AGPAT2: variants seen among roughly 807,000 people sequenced by gnomAD.
AGPAT2 encodes the protein 1-acylglycerol-3-phosphate O-acyltransferase 2, also known as 1-acyl-sn-glycerol-3-phosphate acyltransferase beta.
AGPAT2 carries 18 observed loss-of-function variants against 26.1 expected under a neutral mutation model. The observed-to-expected ratio is 0.69, with a 90% CI of 0.48 to 1.02. AGPAT2 has a LOEUF of 1.02. Ranked by LOEUF, AGPAT2 falls within the 50% of genes least tolerant of loss-of-function variation. AGPAT2 has a pLI of 0.00. For missense variants in AGPAT2, 415 were observed against 394.9 expected, an observed-to-expected ratio of 1.05 and a Z score of -0.43; for synonymous variants, 200 against 174.2, an observed-to-expected ratio of 1.15 and a Z score of -1.16.
In AGPAT2 at chr9:136,674,708, A is replaced by G. The variant is rs756467416; in HGVS notation, c.661+27T>C. 5.7e-6 allele frequency: 8 copies of G among 1,402,594 alleles called. No homozygotes were observed. The East Asian group carries it at 8.2e-5, about 14-fold the overall frequency. The allele number at this position is 1,402,594 out of a possible 1,614,324, so 86.9% of individuals were successfully genotyped here. The stretch of plus-strand genomic sequence containing the variant: ...GACTGTAGGGTCAGGCGGGGCCTAC[A>G]CCCCGGGTGCACACATGTGGGGGTA... On this transcript the variant is annotated intron_variant, in intron 5 of 5. Transcript: ENST00000371696.
At position 136,673,878 on chromosome 9, in the gene AGPAT2, A is replaced by T; in HGVS notation, c.711T>A (p.Thr237=). The T allele has an allele frequency of 1.9e-6, 3 of 1,602,948 alleles. No homozygotes were observed. Among genetic ancestry groups the T allele is most frequent in the Middle Eastern group, 2.1e-4 (1 of 4,670 alleles). ...VLEAIPTSGL[T]AADVPALVDT... ...CCACGAGCGCAGGGACGTCCGCCGCAGTGAGGCCGCTGGTGGGGATGGCTT... is the reference window on the plus strand; with the variant it reads ...CCACGAGCGCAGGGACGTCCGCCGCTGTGAGGCCGCTGGTGGGGATGGCTT... Residue 237 remains threonine (T), a synonymous_variant, in exon 6 of 6, where the codon ACT becomes ACA. Transcript: ENST00000371696.
intron 3 of AGPAT2, 41 bp downstream of exon 3, chr9:136,676,920 G>GC: frequency 1.8e-5 from 27 of 1,460,256 alleles, no homozygotes; most frequent in Non-Finnish European, 2.4e-5. Flanking sequence ...CCCCGCCCAG[G>GC]CCCCACCCCA....
chr9:136,677,153 CAG>C lies in AGPAT2; in HGVS notation c.317-19_317-18del, dbSNP rs1564291400. 3 of 1,612,186 alleles carry C rather than the reference CAG, an allele frequency of 1.9e-6. No homozygotes were observed. In the Admixed American group the frequency reaches 5.0e-5, roughly 27 times the overall value. On this transcript the variant is annotated intron_variant, in intron 2 of 5. Transcript: ENST00000371696. ...CCATGAGGCCTGGGAGACAGAGAGA[CAG>C]AGACAGAGAGAGAGGGGGAGACAGC...
intron 1 of AGPAT2, among the ~76,000 whole-genome samples, chr9:136,680,998 A>G (rs1846153120): frequency 6.6e-6 from 1 of 151,524 alleles, no homozygotes; most frequent in East Asian, 1.9e-4. Context: ...AACACGCACC[A>G]CCTAAACAAT....
Position 136,684,133 on chromosome 9 carries a change from G to A in AGPAT2, c.182+3043C>T, listed in dbSNP as rs183272713. Among the ~76,000 whole-genome samples the A allele has an allele frequency of 3.2e-3, 488 of 152,304 alleles. 4 individuals are homozygous for A. Among genetic ancestry groups the A allele is most frequent in the East Asian group, 8.9e-3 (46 of 5,184 alleles). ...CTGTCTGGGACCCTGAAAATGGTGG[G>A]AATAGAGGTCAAAGGAGCCGGAAAC... is the stretch of plus-strand genomic sequence containing the variant. On this transcript the variant is annotated intron_variant, in intron 1 of 5. Coordinates refer to ENST00000371696, the MANE Select transcript of AGPAT2 (RefSeq NM_006412.4).
At position 136,673,436 on chromosome 9, in the gene AGPAT2, C is replaced by A; in HGVS notation, c.*316G>T. 3.8e-6 allele frequency: 1 copy of A among 262,814 alleles called. No homozygotes were observed. Among genetic ancestry groups the A allele is most frequent in the Non-Finnish European group, 7.2e-6 (1 of 138,498 alleles). The allele number at this position is 262,814 out of a possible 1,614,324, so 16.3% of individuals were successfully genotyped here. Reference sequence around the variant, plus strand: ...GTCCTCCCATCTGCTCCTGGGCCATCGGGGGCCTTGTGGCTCAGCCCACCA... The same window carrying A: ...GTCCTCCCATCTGCTCCTGGGCCATAGGGGGCCTTGTGGCTCAGCCCACCA... On this transcript the variant is annotated 3_prime_UTR_variant, in exon 6 of 6. Transcript: ENST00000371696.
At chr9:136,683,112 G>A (rs1262663314) in intron 1 of AGPAT2, among the ~76,000 whole-genome samples, 4 of 152,002 alleles carry the variant, frequency 2.6e-5, no homozygotes, top group East Asian at 1.9e-4. Flanking sequence ...GGCCGGGCAC[G>A]GTGGCTCATG....
In AGPAT2 at chr9:136,673,497, C is replaced by T. The variant is rs1846037320; in HGVS notation, c.*255G>A. On this transcript the variant is annotated 3_prime_UTR_variant, in exon 6 of 6. Transcript: ENST00000371696. ...GCCGCAAGCCTCATCTTTATCATCC[C>T]AGCTCCCAGAGGTGCCGTGGGCGCG... is the stretch of plus-strand genomic sequence containing the variant. 5 of 392,112 alleles carry T rather than the reference C, an allele frequency of 1.3e-5. No homozygotes were observed. The South Asian group carries it at 3.8e-4, about 29-fold the overall frequency. 24.3% of individuals were successfully genotyped at this position (392,112 alleles called of 1,614,324 possible). A position where few individuals can be genotyped will look rare whatever the true frequency, so the allele number is the denominator to read the frequency against.
intron 4 of AGPAT2, among the ~76,000 whole-genome samples, chr9:136,675,222 G>A (rs371640070): frequency 2.6e-5 from 4 of 152,282 alleles, no homozygotes; most frequent in South Asian, 2.1e-4. Context: ...TAGCCCGGGG[G>A]AGGGGTGGAG....
chr9:136,676,810 G>T, intron 3 of AGPAT2, 130 bp from the exon 4 acceptor site: 1 of 1,254,786 alleles, frequency 8.0e-7, no homozygotes. Flanking sequence ...GAGCATGGAT[G>T]ATGTAGGGGT....
At chr9:136,679,081 C>G (rs145157513) in intron 1 of AGPAT2, among the ~76,000 whole-genome samples, 1 of 152,212 alleles carries the variant, frequency 6.6e-6, no homozygotes, top group South Asian at 2.1e-4. Flanking sequence ...GTAAAATACA[C>G]GTAACATAAA....
At chr9:136,684,520 A>G (rs2131020560) in intron 1 of AGPAT2, among the ~76,000 whole-genome samples, 1 of 152,108 alleles carries the variant, frequency 6.6e-6, no homozygotes, top group South Asian at 2.1e-4. Flanking sequence ...TACGGTGTAG[A>G]CGGTGGGGGT....
intron 1 of AGPAT2, among the ~76,000 whole-genome samples, chr9:136,682,703 T>C (rs1313522452): frequency 6.6e-6 from 1 of 152,200 alleles, no homozygotes; most frequent in African/African-American, 2.4e-5. Context: ...AGTGGGCTCC[T>C]GCTGAGGGAA....
chr9:136,687,457 T>G lies in AGPAT2; in HGVS notation c.-100A>C, dbSNP rs1187788619. On this transcript the variant is annotated 5_prime_UTR_variant, in exon 1 of 6. Coordinates refer to ENST00000371696, the MANE Select transcript of AGPAT2 (RefSeq NM_006412.4). ...CCCCTTATTGCGAGGGCGGCGGGGC[T>G]GGGCGGGGCGGGGCGCGGCGTGGGG... is the stretch of plus-strand genomic sequence containing the variant. 6.0e-5 allele frequency: 63 copies of G among 1,053,508 alleles called. No homozygotes were observed. Among genetic ancestry groups the G allele is most frequent in the South Asian group, 4.6e-4 (16 of 34,578 alleles). The allele number at this position is 1,053,508 out of a possible 1,614,324, so 65.3% of individuals were successfully genotyped here. A position where few individuals can be genotyped will look rare whatever the true frequency, so the allele number is the denominator to read the frequency against.
rs748422913 is a variant in AGPAT2 at position 136,677,028 on chromosome 9, T to A, written c.425A>T (p.Asn142Ile). Residue 142 changes from asparagine (N) to isoleucine (I), a missense_variant, in exon 3 of 6, where the codon AAC becomes ATC. By Grantham distance (149) the Asn-to-Ile change is moderately radical. Coordinates refer to ENST00000371696, the MANE Select transcript of AGPAT2 (RefSeq NM_006412.4). ...IMYLGGVFFINRQRSSTAMTV... is the reference protein window; with the variant it reads ...IMYLGGVFFIIRQRSSTAMTV... ...CATGGCAGTGCTAGAGCGCTGCCGG[T>A]TGATGAAGAAGACGCCCCCGAGGTA... The A allele has an allele frequency of 6.4e-7, 1 of 1,559,968 alleles. No homozygotes were observed. The highest frequency in any genetic ancestry group is 8.7e-7 in the Non-Finnish European group (1 of 1,147,780).
chr9:136,687,083 G>C, intron 1 of AGPAT2, 93 bp downstream of exon 1: 12 of 1,391,872 alleles, frequency 8.6e-6, no homozygotes, highest in Non-Finnish European at 1.1e-5. Flanking sequence ...GGCGGGACGG[G>C]CGGGGCAGGA....
At chr9:136,684,221 C>T (rs935673231) in intron 1 of AGPAT2, among the ~76,000 whole-genome samples, 1 of 152,246 alleles carries the variant, frequency 6.6e-6, no homozygotes, top group African/African-American at 2.4e-5. Context: ...GTAAACTTCT[C>T]TGTGGATTAA....
intron 2 of AGPAT2, 86 bp downstream of exon 2, chr9:136,677,336 TC>T: frequency 6.3e-7 from 1 of 1,598,606 alleles, no homozygotes; most frequent in Admixed American, 1.7e-5. Flanking sequence ...CAGCCCTGTG[TC>T]CTCGTCCCCG....
chr9:136,677,616 C>T (rs2236514), intron 1 of AGPAT2, 60 bp from the exon 2 acceptor site: 6 of 1,606,514 alleles, frequency 3.7e-6, no homozygotes, highest in African/African-American at 2.7e-5. Context: ...GGCTGGGGCG[C>T]GAAGGCCTGG....
Sources: allele counts gnomAD v4.1 joint callset (sites outside exome capture counted in the v4.1 genomes callset), GRCh38; gene constraint gnomAD v4.1.1; transcripts MANE v1.5; gene names NCBI Gene and HGNC (gene_info 2026-07-23, HGNC 2026-07-21).